The following HPSE variants were observed in gnomAD, a reference collection of about 807,000 sequenced individuals.
The protein encoded by HPSE is heparanase, also known as endo-glucoronidase.
Under a neutral mutation model 65.1 loss-of-function variants are expected in HPSE, and 48 were observed. The ratio of observed to expected loss-of-function variants is 0.74; its 90% CI spans 0.58 to 0.94. The LOEUF is 0.94. HPSE is among the 40% of genes least tolerant of loss of function. The pLI, the probability that HPSE is intolerant of heterozygous loss-of-function variation, is 0.00. For synonymous variants in HPSE, 243 were observed against 260.0 expected (o/e 0.93, Z 0.63); for missense variants, 644 against 637.5 (o/e 1.01, Z -0.11).
intron 1 of HPSE, among the ~76,000 whole-genome samples, chr4:83,325,597 GT>G (rs1384162505): frequency 6.6e-6 from 1 of 152,220 alleles, no homozygotes; most frequent in Non-Finnish European, 1.5e-5. Context: ...GAGATGAATG[GT>G]GAACCAGGCA....
intron 1 of HPSE, among the ~76,000 whole-genome samples, chr4:83,330,365 A>G (rs1737316656): frequency 6.6e-6 from 1 of 152,216 alleles, no homozygotes; most frequent in Admixed American, 6.5e-5. Flanking sequence ...CACAGTGGAC[A>G]GGGTTAGTGG....
intron 2 of HPSE, 103 bp downstream of exon 2, chr4:83,322,116 A>G (rs923406524): frequency 1.1e-6 from 1 of 919,298 alleles, no homozygotes; most frequent in Admixed American, 2.4e-5. Flanking sequence ...GAGGAAGTTA[A>G]TCTCATTAAT....
intron 1 of HPSE, among the ~76,000 whole-genome samples, chr4:83,333,888 A>G (rs1400640220): frequency 6.6e-6 from 1 of 152,128 alleles, no homozygotes; most frequent in African/African-American, 2.4e-5. Context: ...AAAGAAAAGA[A>G]AGAGAAATCT....
chr4:83,306,149 C>T lies in HPSE; in HGVS notation c.1206+54G>A, dbSNP rs192241224. ...TTCATAGGAGGTTAACACCAGAGGTCCTGAGTTGACTTTAATCTACTCCAC... is the reference window on the plus strand; with the variant it reads ...TTCATAGGAGGTTAACACCAGAGGTTCTGAGTTGACTTTAATCTACTCCAC... On this transcript the variant is annotated intron_variant, in intron 9 of 11. Transcript: ENST00000311412. 5.3e-4 allele frequency: 544 copies of T among 1,028,714 alleles called. 5 individuals carry two copies. The East Asian group carries it at 0.011, about 22-fold the overall frequency. The allele number at this position is 1,028,714 out of a possible 1,614,324, so 63.7% of individuals were successfully genotyped here.
chr4:83,313,964 G>A (rs1411932862), intron 3 of HPSE, among the ~76,000 whole-genome samples: 2 of 152,026 alleles, frequency 1.3e-5, no homozygotes, highest in Non-Finnish European at 2.9e-5. Flanking sequence ...GAAATACTTC[G>A]CACAGGGGCC....
chr4:83,325,737 G>A (rs1361553859), intron 1 of HPSE, among the ~76,000 whole-genome samples: 1 of 152,190 alleles, frequency 6.6e-6, no homozygotes, highest in Non-Finnish European at 1.5e-5. Context: ...CTGAGGGTAG[G>A]GGGTTGGATA....
chr4:83,302,310 T>C, intron 9 of HPSE, 42 bp from the exon 10 acceptor site: 1 of 1,177,496 alleles, frequency 8.5e-7, no homozygotes, highest in Non-Finnish European at 1.3e-6. Flanking sequence ...AAATAGATGT[T>C]TACTTATGTC....
intron 6 of HPSE, 102 bp from the exon 7 acceptor site, chr4:83,309,597 C>G (rs1736287817): frequency 1.4e-6 from 1 of 696,018 alleles, no homozygotes; most frequent in Non-Finnish European, 2.5e-6. Flanking sequence ...TCCCACTCAC[C>G]TGTTACTAAA....
At position 83,310,855 on chromosome 4, in the gene HPSE, T is replaced by C; in HGVS notation, c.709A>G (p.Ile237Val). The change falls in exon 5 of 12, where the codon ATC becomes GTC. Residue 237 changes from isoleucine to valine, a missense_variant. Ile to Val is a conservative substitution (Grantham distance 29). Transcript: ENST00000311412. ...NSFLKKADIFINGSQLGEDFI... is the reference protein window; with the variant it reads ...NSFLKKADIFVNGSQLGEDFI... ...TCTTCTCCTAACTGCGACCCATTGA[T>C]GAAAATATCAGCCTTCTTAAGGAAA... 1.2e-6 allele frequency: 2 copies of C among 1,613,856 alleles called. No homozygotes were observed. Among genetic ancestry groups the C allele is most frequent in the Non-Finnish European group, 8.5e-7 (1 of 1,179,794 alleles).
intron 9 of HPSE, among the ~76,000 whole-genome samples, chr4:83,305,464 C>A (rs528895157): frequency 6.6e-6 from 1 of 152,190 alleles, no homozygotes; most frequent in East Asian, 1.9e-4. Context: ...TATATTTTCA[C>A]GTACGCTCTT....
In HPSE at chr4:83,327,867, A is replaced by C. The variant is rs901924405; in HGVS notation, c.228-5503T>G. 3.3e-5 allele frequency among the ~76,000 whole-genome samples: 5 copies of C among 152,334 alleles called. No individual in the cohort carries two copies. The South Asian group carries it at 1.0e-3, about 32-fold the overall frequency. On this transcript the variant is annotated intron_variant, in intron 1 of 11. Coordinates refer to ENST00000311412, the MANE Select transcript of HPSE (RefSeq NM_001098540.3). ...CTTCCCAGAGAGCCAGTTGTTAAAC[A>C]GTTTCCAGCACAGTACTGCATGAGC...
intron 11 of HPSE, among the ~76,000 whole-genome samples, chr4:83,300,418 G>C (rs1332979991): frequency 2.0e-5 from 3 of 152,188 alleles, no homozygotes; most frequent in African/African-American, 7.2e-5. Context: ...AGTGGATCTT[G>C]ATATGTCAAG....
intron 4 of HPSE, 138 bp from the exon 5 acceptor site, chr4:83,311,028 G>A: frequency 1.4e-6 from 1 of 712,560 alleles, no homozygotes; most frequent in Non-Finnish European, 2.3e-6. Context: ...GTAAAACCAG[G>A]TCTGGCGCTA....
intron 1 of HPSE, among the ~76,000 whole-genome samples, chr4:83,328,574 T>C (rs1395206108): frequency 6.6e-6 from 1 of 152,118 alleles, no homozygotes; most frequent in Admixed American, 6.5e-5. Context: ...AGATAAAGTG[T>C]TTATTAGGTT....
chr4:83,318,666 C>T (rs556438030), intron 3 of HPSE, among the ~76,000 whole-genome samples: 6 of 147,738 alleles, frequency 4.1e-5, no homozygotes, highest in South Asian at 4.3e-4. Flanking sequence ...GCCAAGATTG[C>T]GCCATTGCAC....
chr4:83,310,692 T>C, intron 5 of HPSE, 30 bp downstream of exon 5: 1 of 1,576,354 alleles, frequency 6.3e-7, no homozygotes, highest in African/African-American at 1.4e-5. Flanking sequence ...AGAAGAAAAG[T>C]AAAGTGATTC....
At chr4:83,308,758 C>A in intron 8 of HPSE, 87 bp downstream of exon 8, 1 of 1,034,382 alleles carries the variant, frequency 9.7e-7, no homozygotes, top group African/African-American at 1.6e-5. Context: ...CTTTGATCTG[C>A]TTTTTGGCTG....
Position 83,319,348 on chromosome 4 carries a change from G to A in HPSE, c.495C>T (p.Tyr165=). ...AGGGTGCCTTTCATTTCTTACTTGA[G>A]TAGGTGCTGTTCTTGAACTTTTTCT... The part of the protein sequence containing the change: ...HYQKKFKNST[Y]SRSSVDVLYT... Residue 165 remains tyrosine, a synonymous_variant, in exon 3 of 12, where the codon TAC becomes TAT. Transcript: ENST00000311412. 1 of 1,613,746 alleles carries A rather than the reference G, an allele frequency of 6.2e-7. No individual in the cohort carries two copies. Among genetic ancestry groups the A allele is most frequent in the Non-Finnish European group, 8.5e-7 (1 of 1,179,820 alleles).
chr4:83,319,071 C>T (rs188182762), intron 3 of HPSE, among the ~76,000 whole-genome samples: 7 of 152,100 alleles, frequency 4.6e-5, no homozygotes, highest in South Asian at 2.1e-4. Context: ...TCCTTGACTC[C>T]GTAGTTTTTT....
Sources: gnomAD v4.1 joint callset for allele counts (sites outside exome capture counted in the v4.1 genomes callset) on GRCh38, gnomAD v4.1.1 for gene constraint, MANE v1.5 for transcripts, NCBI Gene and HGNC (gene_info 2026-07-23, HGNC 2026-07-21) for gene names.